Variants in HOMEZ observed in about 807,000 individuals in gnomAD.
HOMEZ encodes homeobox and leucine zipper encoding.
A neutral mutation model predicts 50.1 loss-of-function variants in HOMEZ; 20 were observed. That is an observed-to-expected ratio of 0.40 (90% CI 0.28 to 0.58). The LOEUF (loss-of-function observed/expected upper bound fraction) is 0.58, where lower values mean the gene tolerates loss of function less well. HOMEZ is among the 20% of genes least tolerant of loss of function. HOMEZ has a pLI of 0.46. For missense variants in HOMEZ, 579 were observed against 680.5 expected (o/e 0.85, Z 1.66); for synonymous variants, 239 against 254.7 (o/e 0.94, Z 0.59).
intron 1 of HOMEZ, among the ~76,000 whole-genome samples, chr14:23,283,133 GA>G (rs1391963415): frequency 1.3e-5 from 2 of 152,238 alleles, no homozygotes; most frequent in Non-Finnish European, 2.9e-5. Context: ...TCCTAGCGCA[GA>G]GGAGGTAGTG....
chr14:23,280,734 T>C (rs1242776647), intron 1 of HOMEZ, among the ~76,000 whole-genome samples: 15 of 74,382 alleles, frequency 2.0e-4, no homozygotes, highest in Non-Finnish European at 3.4e-4. Flanking sequence ...TATTTTATTT[T>C]ATTTTATTAT....
Position 23,273,221 on chromosome 14 carries a change from A to C in HOMEZ, c.*2354T>G, listed in dbSNP as rs1437324662. The C allele has an allele frequency of 9.7e-5, 20 of 206,248 alleles. No individual in the cohort carries two copies. The East Asian group carries it at 2.5e-3, about 26-fold the overall frequency. 12.8% of individuals were successfully genotyped at this position (206,248 alleles called of 1,614,324 possible). On this transcript the variant is annotated 3_prime_UTR_variant, in exon 2 of 2. Coordinates refer to ENST00000357460, the MANE Select transcript of HOMEZ (RefSeq NM_020834.3). ...TTGGGAGTTGGGAATGGGGATTGTG[A>C]TGGATCATATACTCATCACTGTTTC...
intron 1 of HOMEZ, among the ~76,000 whole-genome samples, chr14:23,280,717 TTTATTTTATTTTATTTTATTTTA>T (rs1566451012): frequency 3.2e-4 from 21 of 64,890 alleles, no homozygotes; most frequent in Admixed American, 9.2e-4. Context: ...TTATTTTTAT[TTTATTTTATTTTATTTTATTTTA>T]TTATTTTATT....
In HOMEZ at chr14:23,275,823, A is replaced by G; in HGVS notation, c.1405T>C (p.Tyr469His). ...PPPDIQPLER[Y>H]WAAHQQLRET... Reference sequence around the variant, plus strand: ...CGTAGCTGTTGGTGGGCTGCCCAGTACCTCTCCAAGGGTTGTATATCCGGT... The same window carrying G: ...CGTAGCTGTTGGTGGGCTGCCCAGTGCCTCTCCAAGGGTTGTATATCCGGT... Residue 469 changes from tyrosine (Y) to histidine (H), a missense_variant, in exon 2 of 2, where the codon TAC becomes CAC. Tyr to His is a moderately conservative substitution (Grantham distance 83, BLOSUM62 2). Transcript: ENST00000357460. The G allele has an allele frequency of 6.2e-7, 1 of 1,605,418 alleles. No individual in the cohort carries two copies. The highest frequency in any genetic ancestry group is 1.3e-5 in the African/African-American group (1 of 74,788).
chr14:23,280,407 A>T (rs10133795), intron 1 of HOMEZ, among the ~76,000 whole-genome samples: 85,010 of 151,816 alleles, frequency 0.56, 25,275 homozygotes, highest in African/African-American at 0.77. Flanking sequence ...CCTGAGCTTA[A>T]CTTTTCAGCC....
At chr14:23,280,773 A>ATTTTCTTTTCTTTTCTTTTC (rs1178193670) in intron 1 of HOMEZ, among the ~76,000 whole-genome samples, 1 of 100,232 alleles carries the variant, frequency 1.0e-5, no homozygotes, top group Non-Finnish European at 2.2e-5. Flanking sequence ...ATTTTATTTT[A>ATTTTCTTTTCTTTTCTTTTC]TTTTATTTTA....
Position 23,281,354 on chromosome 14 carries a change from C to G in HOMEZ, c.41-4167G>C, listed in dbSNP as rs112324256. On this transcript the variant is annotated intron_variant, in intron 1 of 1. Transcript: ENST00000357460. ...GGTCAATGGAGGCAGCATGGCATGA[C>G]GGGTAGAAATATGAATTCTTCAATA... Among the ~76,000 whole-genome samples, 917 of 152,152 alleles carry G rather than the reference C, an allele frequency of 6.0e-3. 11 individuals carry two copies. Among genetic ancestry groups the G allele is most frequent in the South Asian group, 6.0e-3 (29 of 4,826 alleles).
intron 1 of HOMEZ, among the ~76,000 whole-genome samples, chr14:23,280,701 ATATTTTTATTTT>A (rs1174395643): frequency 1.3e-4 from 9 of 70,050 alleles, no homozygotes; most frequent in African/African-American, 3.5e-4. Flanking sequence ...TTTTATTTTT[ATATTTTTATTTT>A]TATTTTATTT....
At chr14:23,278,999 T>G (rs1886429699) in intron 1 of HOMEZ, among the ~76,000 whole-genome samples, 1 of 151,342 alleles carries the variant, frequency 6.6e-6, no homozygotes, top group African/African-American at 2.4e-5. Context: ...ACTATTTTTT[T>G]TTTTGAGACA....
In HOMEZ at chr14:23,276,193, G is replaced by A. The variant is rs1475088289; in HGVS notation, c.1035C>T (p.Gly345=). 1 of 1,613,824 alleles carries A rather than the reference G, an allele frequency of 6.2e-7. No homozygotes were observed. Among genetic ancestry groups the A allele is most frequent in the Non-Finnish European group, 8.5e-7 (1 of 1,179,880 alleles). ...LRHNSVPGRV[G]PTEYLSPDMQ... The stretch of plus-strand genomic sequence containing the variant: ...TATCTGGGGAAAGGTACTCTGTGGG[G>A]CCAACTCTACCTGGTACTGAGTTAT... The change falls in exon 2 of 2, where the codon GGC becomes GGT. Residue 345 remains glycine (G), a synonymous_variant. Transcript: ENST00000357460. This position sits in a 1 kb window ranked among gnomAD's most constrained non-coding sequence, Gnocchi z 4.1.
At chr14:23,284,408 G>T (rs1886618392) in intron 1 of HOMEZ, among the ~76,000 whole-genome samples, 1 of 152,198 alleles carries the variant, frequency 6.6e-6, no homozygotes, top group Non-Finnish European at 1.5e-5. Context: ...TGAGCCACTG[G>T]ATTACATGAC....
At chr14:23,280,709 A>ATTT (rs1031806493) in intron 1 of HOMEZ, among the ~76,000 whole-genome samples, 11 of 49,802 alleles carry the variant, frequency 2.2e-4, no homozygotes, top group Non-Finnish European at 4.4e-4. Flanking sequence ...TTATATTTTT[A>ATTT]TTTTTATTTT....
chr14:23,275,820 A>G lies in HOMEZ; in HGVS notation c.1408T>C (p.Trp470Arg). 6.2e-7 allele frequency: 1 copy of G among 1,606,918 alleles called. No homozygotes were observed. The highest frequency in any genetic ancestry group is 8.5e-7 in the Non-Finnish European group (1 of 1,176,002). Reference protein sequence around the residue: ...PPDIQPLERYWAAHQQLRETD... With the variant: ...PPDIQPLERYRAAHQQLRETD... ...TCCCGTAGCTGTTGGTGGGCTGCCC[A>G]GTACCTCTCCAAGGGTTGTATATCC... The change falls in exon 2 of 2, where the codon TGG becomes CGG. Residue 470 changes from tryptophan to arginine, a missense_variant. By Grantham distance (101) the Trp-to-Arg change is moderately radical. Transcript: ENST00000357460.
chr14:23,276,515 TTGGGACC>T lies in HOMEZ; in HGVS notation c.706_712del (p.Gly236ThrfsTer6). On this transcript the variant is annotated frameshift_variant, in exon 2 of 2. Coordinates refer to ENST00000357460, the MANE Select transcript of HOMEZ (RefSeq NM_020834.3). LOFTEE classifies it high-confidence loss of function. The surrounding 1 kb of genome is among the most constrained non-coding windows in gnomAD (Gnocchi z 4.1). Reference sequence around the variant, plus strand: ...AGCAGTACCTATGCCATGTGACTGGTTGGGACCCCTGCCTGCCTGCTCCTTTGAGAGG... The same window carrying T: ...AGCAGTACCTATGCCATGTGACTGGTCCTGCCTGCCTGCTCCTTTGAGAGG... 6.2e-7 allele frequency: 1 copy of T among 1,614,008 alleles called. No individual in the cohort carries two copies. Among genetic ancestry groups the T allele is most frequent in the South Asian group, 1.1e-5 (1 of 91,080 alleles).
chr14:23,275,646 C>G lies in HOMEZ; in HGVS notation c.1582G>C (p.Asp528His). The change falls in exon 2 of 2, where the codon GAT becomes CAT. Residue 528 changes from aspartate to histidine, a missense_variant. Asp to His is a moderately conservative substitution (Grantham distance 81). Coordinates refer to ENST00000357460, the MANE Select transcript of HOMEZ (RefSeq NM_020834.3). ...EEEEEELPEDDEEEEEEEEED... is the reference protein window; with the variant it reads ...EEEEEELPEDHEEEEEEEEED... ...TCCTCCTCCTCCTCCTCTTCCTCAT[C>G]ATCTTCTGGCAGTTCTTCCTCCTCC... 1 of 1,562,992 alleles carries G rather than the reference C, an allele frequency of 6.4e-7. No homozygotes were observed. The highest frequency in any genetic ancestry group is 1.2e-5 in the South Asian group (1 of 85,142).
At chr14:23,283,191 A>T (rs1249059059) in intron 1 of HOMEZ, among the ~76,000 whole-genome samples, 1 of 152,154 alleles carries the variant, frequency 6.6e-6, no homozygotes, top group East Asian at 1.9e-4. Flanking sequence ...CTAAATTTGT[A>T]TCCTTATTAA....
rs115425828 is a variant in HOMEZ, at chr14:23,284,207, C to T, written c.40+1706G>A. On this transcript the variant is annotated intron_variant, in intron 1 of 1. Coordinates refer to ENST00000357460, the MANE Select transcript of HOMEZ (RefSeq NM_020834.3). ...GAAGCCAGGTTAAGGCTTACTGCCT[C>T]ATATCCTTCCAACTTAACAAAGGCA... Among the ~76,000 whole-genome samples the T allele has an allele frequency of 4.6e-3, 705 of 152,312 alleles. 5 individuals carry two copies. Among genetic ancestry groups the T allele is most frequent in the African/African-American group, 0.015 (641 of 41,552 alleles).
chr14:23,280,421 CT>C (rs148213941), intron 1 of HOMEZ, among the ~76,000 whole-genome samples: 153 of 152,246 alleles, frequency 1.0e-3, no homozygotes, highest in Middle Eastern at 6.8e-3. Flanking sequence ...TTCAGCCCAG[CT>C]TTCTCCTCAA....
At position 23,281,668 on chromosome 14, in the gene HOMEZ, A is replaced by G. The variant is rs569924216; in HGVS notation, c.40+4245T>C. ...CTCTAAGTCTTAGTTTCTCATGAGA[A>G]AAAAAGCACCTTGGGCCGAGCGCAG... On this transcript the variant is annotated intron_variant, in intron 1 of 1. Transcript: ENST00000357460. Among the ~76,000 whole-genome samples the G allele has an allele frequency of 3.3e-5, 5 of 152,158 alleles. No individual in the cohort carries two copies. In the East Asian group the frequency reaches 7.7e-4, roughly 23 times the overall value.
Sources: gnomAD v4.1 joint callset for allele counts (sites outside exome capture counted in the v4.1 genomes callset) on GRCh38, gnomAD v4.1.1 for gene constraint, Gnocchi (gnomAD v3.1) non-coding constraint, MANE v1.5 for transcripts, NCBI Gene and HGNC (gene_info 2026-07-23, HGNC 2026-07-21) for gene names.